The following DSCAM variants were observed in gnomAD, a reference collection of about 807,000 sequenced individuals.
DSCAM encodes DS cell adhesion molecule, also known as cell adhesion molecule DSCAM.
A neutral mutation model predicts 217.7 loss-of-function variants in DSCAM; 47 were observed. That is an observed-to-expected ratio of 0.22 (90% CI 0.17 to 0.28). DSCAM has a LOEUF of 0.28. Among genes scored for constraint, DSCAM ranks in the 10% least tolerant of loss-of-function variants. The probability of loss-of-function intolerance (pLI) is 1.00; values close to 1 mark genes in which losing one functional copy is unlikely to be tolerated. For missense variants in DSCAM, 2,080 were observed against 2,618.3 expected (o/e 0.79, Z 4.49); for synonymous variants, 1,056 against 1,015.3 (o/e 1.04, Z -0.76).
chr21:40,574,816 T>C (rs2076836243), intron 3 of DSCAM, among the ~76,000 whole-genome samples: 1 of 151,788 alleles, frequency 6.6e-6, no homozygotes, highest in Non-Finnish European at 1.5e-5. Context: ...CAAGGGATTC[T>C]CCTGCCTCAG....
intron 3 of DSCAM, among the ~76,000 whole-genome samples, chr21:40,563,557 TTA>T (rs200431485): frequency 0.045 from 5,789 of 127,826 alleles, 331 homozygotes; most frequent in African/African-American, 0.13. Context: ...TTATATATGT[TTA>T]TATGTTTATA....
At chr21:40,674,908 C>T (rs540475382) in intron 3 of DSCAM, among the ~76,000 whole-genome samples, 1 of 152,200 alleles carries the variant, frequency 6.6e-6, no homozygotes, top group South Asian at 2.1e-4. Flanking sequence ...CAGGTGTGAG[C>T]CACCGCGCCC....
chr21:40,843,615 GGTGA>G (rs1397571917), intron 1 of DSCAM, among the ~76,000 whole-genome samples: 6 of 152,036 alleles, frequency 3.9e-5, no homozygotes, highest in Non-Finnish European at 7.4e-5. Context: ...GACGTGTGTG[GGTGA>G]GTGTCTGCAC....
At chr21:40,781,553 C>A (rs907684160) in intron 1 of DSCAM, among the ~76,000 whole-genome samples, 1 of 152,114 alleles carries the variant, frequency 6.6e-6, no homozygotes, top group Non-Finnish European at 1.5e-5. Context: ...AAGTATACAA[C>A]CTTTTTTTAT....
At chr21:40,212,807 T>A (rs78911110) in intron 11 of DSCAM, among the ~76,000 whole-genome samples, 3,686 of 152,202 alleles carry the variant, frequency 0.024, 72 homozygotes, top group African/African-American at 0.032. Flanking sequence ...CTAGATAAGG[T>A]CATCCTTCAT....
intron 8 of DSCAM, among the ~76,000 whole-genome samples, chr21:40,316,422 C>A (rs2074197432): frequency 6.6e-6 from 1 of 152,214 alleles, no homozygotes; most frequent in African/African-American, 2.4e-5. Context: ...TTTAAAGCGT[C>A]TTAAGCCTTA....
intron 8 of DSCAM, among the ~76,000 whole-genome samples, chr21:40,335,961 T>C (rs1309998518): frequency 1.3e-5 from 2 of 152,226 alleles, no homozygotes; most frequent in African/African-American, 2.4e-5. Context: ...TGTTTACCGA[T>C]GCATACTGTG....
At chr21:40,487,326 TGA>T (rs10598197) in intron 3 of DSCAM, among the ~76,000 whole-genome samples, 1,212 of 72,658 alleles carry the variant, frequency 0.017, 4 homozygotes, top group African/African-American at 0.07. Context: ...TGTGTGTGTG[TGA>T]GAGAGAGAGA....
rs562005164 is a variant in DSCAM, at chr21:40,751,694, G to A, written c.44-42923C>T. Among the ~76,000 whole-genome samples, 4 of 152,272 alleles carry A rather than the reference G, an allele frequency of 2.6e-5. No homozygotes were observed. In the South Asian group the frequency reaches 8.3e-4, roughly 32 times the overall value. The stretch of plus-strand genomic sequence containing the variant: ...GTTCAGGAGAGGGGTTCCTACTGTA[G>A]GGTGGGGTGGGGACGTGATTGGAGA... On this transcript the variant is annotated intron_variant, in intron 1 of 32. Coordinates refer to ENST00000400454, the MANE Select transcript of DSCAM (RefSeq NM_001389.5).
Position 40,055,855 on chromosome 21 carries a change from G to A in DSCAM, c.4920-15C>T. 6.3e-7 allele frequency: 1 copy of A among 1,592,526 alleles called. No individual in the cohort carries two copies. Among genetic ancestry groups the A allele is most frequent in the Non-Finnish European group, 8.6e-7 (1 of 1,160,456 alleles). On this transcript the variant is annotated splice_polypyrimidine_tract_variant and intron_variant, in intron 28 of 32. Transcript: ENST00000400454. ...GGGTATTCTTACTGGGAATAAAATG[G>A]GGTAATGCATTAACAAATCCAGTTC...
rs566107912 is a variant in DSCAM at position 40,312,364 on chromosome 21, A to G, written c.1784-5T>C. On this transcript the variant is annotated splice_region_variant and splice_polypyrimidine_tract_variant and intron_variant, in intron 8 of 32. Transcript: ENST00000400454. ...AGGGTTGTATGAAAGGCGGAACTGC[A>G]AGAAAAAAGAAAGATAATAACGAAC... is the stretch of plus-strand genomic sequence containing the variant. The G allele has an allele frequency of 3.1e-6, 5 of 1,611,982 alleles. No individual in the cohort carries two copies. The East Asian group carries it at 6.7e-5, about 22-fold the overall frequency.
At chr21:40,696,735 T>C (rs553413933) in intron 2 of DSCAM, among the ~76,000 whole-genome samples, 1 of 152,172 alleles carries the variant, frequency 6.6e-6, no homozygotes, top group Non-Finnish European at 1.5e-5. Context: ...TCTGGTAATA[T>C]GACTTTGAAA....
At chr21:40,436,468 C>A (rs1475035203) in intron 3 of DSCAM, among the ~76,000 whole-genome samples, 1 of 152,174 alleles carries the variant, frequency 6.6e-6, no homozygotes, top group Admixed American at 6.5e-5. Flanking sequence ...TTCATGCTGG[C>A]ATCTAGTGGT....
intron 3 of DSCAM, among the ~76,000 whole-genome samples, chr21:40,560,574 G>A (rs554802861): frequency 3.3e-5 from 5 of 152,224 alleles, no homozygotes; most frequent in Non-Finnish European, 7.3e-5. Context: ...GAAACTCATT[G>A]TAAGTTGAAA....
chr21:40,256,526 TA>T (rs2073374723), intron 11 of DSCAM, among the ~76,000 whole-genome samples: 2 of 152,184 alleles, frequency 1.3e-5, no homozygotes, highest in South Asian at 4.2e-4. Context: ...CTAGTAAGTC[TA>T]AAATTTGCCG....
At chr21:40,221,282 T>C (rs2091287175) in intron 11 of DSCAM, among the ~76,000 whole-genome samples, 2 of 152,068 alleles carry the variant, frequency 1.3e-5, no homozygotes, top group African/African-American at 4.8e-5. Flanking sequence ...CAGAGGGCAT[T>C]ACAATCAGAC....
intron 1 of DSCAM, among the ~76,000 whole-genome samples, chr21:40,809,143 G>A (rs1010878941): frequency 6.6e-6 from 1 of 152,050 alleles, no homozygotes; most frequent in Non-Finnish European, 1.5e-5. Flanking sequence ...GGCCTGTTGG[G>A]ATTGATAGCA....
intron 9 of DSCAM, among the ~76,000 whole-genome samples, chr21:40,297,301 T>C (rs2073965780): frequency 6.6e-6 from 1 of 152,226 alleles, no homozygotes; most frequent in Non-Finnish European, 1.5e-5. Context: ...AGGATTTTAA[T>C]ATGTATCACA....
At chr21:40,653,179 C>A (rs1289733781) in intron 3 of DSCAM, among the ~76,000 whole-genome samples, 1 of 152,198 alleles carries the variant, frequency 6.6e-6, no homozygotes, top group East Asian at 1.9e-4. Flanking sequence ...ACCTTAACAA[C>A]AATAGCTTTT....
Sources: allele counts gnomAD v4.1 joint callset (sites outside exome capture counted in the v4.1 genomes callset), GRCh38; gene constraint gnomAD v4.1.1; transcripts MANE v1.5; gene names NCBI Gene and HGNC (gene_info 2026-07-23, HGNC 2026-07-21).